Variants in PROX1 observed in about 807,000 individuals in gnomAD.
The protein encoded by PROX1 is prospero homeobox protein 1.
PROX1 carries 7 observed loss-of-function variants against 58.8 expected under a neutral mutation model. The ratio of observed to expected loss-of-function variants is 0.12; its 90% confidence interval spans 0.07 to 0.22. The LOEUF is 0.22. PROX1 is among the 10% of genes least tolerant of loss of function. The pLI, the probability that PROX1 is intolerant of heterozygous loss-of-function variation, is 1.00. For synonymous variants in PROX1, 350 were observed against 358.3 expected (o/e 0.98, Z 0.26); for missense variants, 675 against 927.8 (o/e 0.73, Z 3.54).
Position 214,011,670 on chromosome 1 carries a change from G to A in PROX1, c.1983G>A (p.Leu661=), listed in dbSNP as rs1165307812. The part of the protein sequence containing the change: ...EELSITRDCE[L]YRALNMHYNK... ...TGTCTATAACCAGAGACTGTGAGCT[G>A]TACAGGGCTCTGAACATGCACTACA... Residue 661 remains leucine (L), a synonymous_variant, in exon 4 of 5, where the codon CTG becomes CTA. Transcript: ENST00000366958. 1 of 1,613,428 alleles carries A rather than the reference G, an allele frequency of 6.2e-7. No homozygotes were observed. Among genetic ancestry groups the A allele is most frequent in the Non-Finnish European group, 8.5e-7 (1 of 1,179,734 alleles).
Position 213,997,190 on chromosome 1 carries a change from C to T in PROX1, c.655C>T (p.Gln219Ter). 1 of 1,613,372 alleles carries T rather than the reference C, an allele frequency of 6.2e-7. No homozygotes were observed. The highest frequency in any genetic ancestry group is 8.5e-7 in the Non-Finnish European group (1 of 1,179,850). Residue 219 changes from glutamine to a stop codon, truncating the protein, a stop_gained, in exon 2 of 5, where the codon CAG (glutamine) becomes TAG (stop). Coordinates refer to ENST00000366958, the MANE Select transcript of PROX1 (RefSeq NM_001270616.2). LOFTEE classifies it high-confidence loss of function. The surrounding 1 kb of genome is among the most constrained non-coding windows in gnomAD (Gnocchi z 7.1). ...GCAAAAGCTTCCCCAGCAGCAGCAA[C>T]AGAGTTTCCAGCAGCTGGTTTCAGC... ...RKQKLPQQQQ[Q>*]SFQQLVSARK... is the part of the protein sequence containing the mutation.
rs1664890641 is a variant in PROX1 at position 214,038,148 on chromosome 1, TC to T, written c.*2315del. 1 of 152,216 alleles carries T rather than the reference TC, an allele frequency of 6.6e-6. No individual in the cohort carries two copies. The highest frequency in any genetic ancestry group is 2.4e-5 in the African/African-American group (1 of 41,436). 9.4% of individuals were successfully genotyped at this position (152,216 alleles called of 1,614,324 possible). A position where few individuals can be genotyped will look rare whatever the true frequency, so the allele number is the denominator to read the frequency against. ...AGACAAATTAAGCAAAAGTGTGTGT[TC>T]ACAACCAAATGTTGATGCCCTTATC... On this transcript the variant is annotated 3_prime_UTR_variant, in exon 5 of 5. Transcript: ENST00000366958.
At chr1:213,994,795 ATATATAT>A (rs1663192188) in intron 1 of PROX1, among the ~76,000 whole-genome samples, 1 of 91,704 alleles carries the variant, frequency 1.1e-5, no homozygotes, top group African/African-American at 4.2e-5. Context: ...ATATATATAT[ATATATAT>A]AAAGAGGTAT....
In PROX1 at chr1:214,036,969, G is replaced by A. The variant is rs537873688; in HGVS notation, c.*1135G>A. On this transcript the variant is annotated 3_prime_UTR_variant, in exon 5 of 5. Coordinates refer to ENST00000366958, the MANE Select transcript of PROX1 (RefSeq NM_001270616.2). Reference sequence around the variant, plus strand: ...TCTAACTCAGTGTTTCTTCATTTTAGGTATAACATTTTAAAGCAATTGATA... The same window carrying A: ...TCTAACTCAGTGTTTCTTCATTTTAAGTATAACATTTTAAAGCAATTGATA... 8 of 152,318 alleles carry A rather than the reference G, an allele frequency of 5.3e-5. No individual in the cohort carries two copies. Among genetic ancestry groups the A allele is most frequent in the Admixed American group, 4.6e-4 (7 of 15,306 alleles). The allele number at this position is 152,318 out of a possible 1,614,324, so 9.4% of individuals were successfully genotyped here.
At chr1:214,002,741 T>A (rs1663568643) in intron 2 of PROX1, among the ~76,000 whole-genome samples, 2 of 152,234 alleles carry the variant, frequency 1.3e-5, no homozygotes, top group Non-Finnish European at 2.9e-5. Flanking sequence ...AAACAGCTAG[T>A]GCTTTCTTGG....
At chr1:214,026,118 T>G (rs1025635552) in intron 4 of PROX1, among the ~76,000 whole-genome samples, 2 of 152,222 alleles carry the variant, frequency 1.3e-5, no homozygotes, top group African/African-American at 4.8e-5. Context: ...TAGGTTTTAG[T>G]TTTTGATGCT....
At chr1:214,003,630 G>A (rs1284466666) in intron 2 of PROX1, among the ~76,000 whole-genome samples, 1 of 150,022 alleles carries the variant, frequency 6.7e-6, no homozygotes, top group African/African-American at 2.4e-5. Flanking sequence ...TTTATTTTCA[G>A]TTTAACAAAA....
intron 2 of PROX1, 124 bp downstream of exon 2, chr1:213,998,384 A>G (rs1663367109): frequency 8.5e-7 from 1 of 1,173,584 alleles, no homozygotes; most frequent in African/African-American, 1.5e-5. Flanking sequence ...CTTTCCCATT[A>G]TTCAAAGGAA....
rs1236555032 is a variant in PROX1, at chr1:214,040,251, T to G, written c.*4417T>G. The G allele has an allele frequency of 6.6e-6, 1 of 152,200 alleles. No individual in the cohort carries two copies. Among genetic ancestry groups the G allele is most frequent in the Non-Finnish European group, 1.5e-5 (1 of 68,026 alleles). The allele number at this position is 152,200 out of a possible 1,614,324, so 9.4% of individuals were successfully genotyped here. On this transcript the variant is annotated 3_prime_UTR_variant, in exon 5 of 5. Coordinates refer to ENST00000366958, the MANE Select transcript of PROX1 (RefSeq NM_001270616.2). Reference sequence around the variant, plus strand: ...TCATATTCAGAGCTGGGATCAAAACTGGTATTTAACCTTTGCATCTTCTTA... The same window carrying G: ...TCATATTCAGAGCTGGGATCAAAACGGGTATTTAACCTTTGCATCTTCTTA...
intron 3 of PROX1, among the ~76,000 whole-genome samples, chr1:214,010,237 C>T (rs1311339927): frequency 6.6e-6 from 1 of 152,160 alleles, no homozygotes; most frequent in African/African-American, 2.4e-5. Context: ...TGTAAGGGCC[C>T]TTGCAACTCC....
At chr1:214,008,074 G>A (rs187103712) in intron 3 of PROX1, among the ~76,000 whole-genome samples, 161 of 150,958 alleles carry the variant, frequency 1.1e-3, no homozygotes, top group Middle Eastern at 6.8e-3. Flanking sequence ...TTTTTGAGAC[G>A]GAATTTCACT....
At chr1:214,025,803 G>A (rs114956890) in intron 4 of PROX1, among the ~76,000 whole-genome samples, 2,264 of 152,010 alleles carry the variant, frequency 0.015, 22 homozygotes, top group Non-Finnish European at 0.019. Context: ...CTGGGATTGC[G>A]GGCGCCAGCC....
At chr1:214,015,118 C>G (rs756659281) in intron 4 of PROX1, among the ~76,000 whole-genome samples, 7 of 152,084 alleles carry the variant, frequency 4.6e-5, no homozygotes, top group Non-Finnish European at 1.0e-4. Flanking sequence ...GGTGTGCAGA[C>G]TTAGGGTGGT....
chr1:213,996,847 T>C lies in PROX1; in HGVS notation c.312T>C (p.Asn104=). 1 of 1,613,918 alleles carries C rather than the reference T, an allele frequency of 6.2e-7. No individual in the cohort carries two copies. Among genetic ancestry groups the C allele is most frequent in the East Asian group, 2.2e-5 (1 of 44,860 alleles). ...SQLLKNNMNK[N]GGTEPSFQAS... ...TGTTGAAAAATAACATGAACAAAAA[T>C]GGTGGCACGGAGCCCAGTTTCCAAG... The change falls in exon 2 of 5, where the codon AAT becomes AAC. Residue 104 remains asparagine, a synonymous_variant. Coordinates refer to ENST00000366958, the MANE Select transcript of PROX1 (RefSeq NM_001270616.2).
At chr1:213,995,441 A>G (rs1663224712) in intron 1 of PROX1, among the ~76,000 whole-genome samples, 2 of 150,282 alleles carry the variant, frequency 1.3e-5, no homozygotes, top group East Asian at 2.0e-4. Flanking sequence ...TCTTCTTTAT[A>G]TATCTTCTTT....
In PROX1 at chr1:214,014,736, G is replaced by A. The variant is rs189719480; in HGVS notation, c.2028+3021G>A. On this transcript the variant is annotated intron_variant, in intron 4 of 4. Transcript: ENST00000366958. ...AGATCGAGCCAGGGAGAGAGAAGGA[G>A]GTTTGACGTCTCTTCACTACTACTT... Among the ~76,000 whole-genome samples, 6 of 152,274 alleles carry A rather than the reference G, an allele frequency of 3.9e-5. No homozygotes were observed. The East Asian group carries it at 9.6e-4, about 24-fold the overall frequency.
In PROX1 at chr1:213,998,095, T is replaced by A. The variant is rs1186807313; in HGVS notation, c.1560T>A (p.Asp520Glu). The change falls in exon 2 of 5, where the codon GAT becomes GAA. Residue 520 changes from aspartate to glutamate, a missense_variant. By Grantham distance (45) the Asp-to-Glu change is conservative. This residue lies in a region of PROX1 where 403 missense variants were observed against 477.4 expected (regional missense o/e 0.84). Coordinates refer to ENST00000366958, the MANE Select transcript of PROX1 (RefSeq NM_001270616.2). ...ASPESLDLTR[D>E]TTSLRTKMSS... The stretch of plus-strand genomic sequence containing the variant: ...CTGAATCCTTAGACTTAACTAGGGA[T>A]ACCACGAGTCTGAGGACCAAGATGT... 2 of 1,614,098 alleles carry A rather than the reference T, an allele frequency of 1.2e-6. No individual in the cohort carries two copies. Among genetic ancestry groups the A allele is most frequent in the Non-Finnish European group, 1.7e-6 (2 of 1,180,002 alleles).
intron 4 of PROX1, among the ~76,000 whole-genome samples, chr1:214,018,200 C>T (rs772849639): frequency 6.6e-6 from 1 of 152,166 alleles, no homozygotes; most frequent in African/African-American, 2.4e-5. Flanking sequence ...TTTTTCCCCC[C>T]GCAGGATGTT....
At chr1:213,983,621 C>T (rs1188006090), upstream of PROX1, among the ~76,000 whole-genome samples, 1 of 152,140 alleles carries the variant, frequency 6.6e-6, no homozygotes, top group East Asian at 1.9e-4. Context: ...GGATTTGAAC[C>T]AAAGATGGTG....
Sources: gnomAD v4.1 joint callset for allele counts (sites outside exome capture counted in the v4.1 genomes callset) on GRCh38, gnomAD v4.1.1 for gene constraint, gnomAD v4.1.1 regional missense constraint, Gnocchi (gnomAD v3.1) non-coding constraint, MANE v1.5 for transcripts, NCBI Gene and HGNC (gene_info 2026-07-23, HGNC 2026-07-21) for gene names.